Variants in MAPRE3 observed in about 807,000 individuals in gnomAD.
MAPRE3 encodes the protein microtubule-associated protein RP/EB family member 3.
A neutral mutation model predicts 30.5 loss-of-function variants in MAPRE3; 2 were observed. The ratio of observed to expected loss-of-function variants is 0.07; its 90% CI spans 0.03 to 0.21. The LOEUF is 0.21. Ranked by LOEUF, MAPRE3 falls within the 10% of genes least tolerant of loss-of-function variation. MAPRE3 has a pLI of 1.00. For missense variants in MAPRE3, 204 were observed against 351.8 expected, an observed-to-expected ratio of 0.58 and a Z score of 3.36; for synonymous variants, 110 against 127.7, an observed-to-expected ratio of 0.86 and a Z score of 0.93.
At position 27,025,598 on chromosome 2, in the gene MAPRE3, C is replaced by A; in HGVS notation, c.485C>A (p.Ser162Tyr). The A allele has an allele frequency of 6.3e-7, 1 of 1,582,526 alleles. No homozygotes were observed. The highest frequency in any genetic ancestry group is 8.6e-7 in the Non-Finnish European group (1 of 1,165,310). ...LIGTAVPQRT[S>Y]PTGPKNMQTS... ...CTCTGGGCAGTTCCACAGAGGACGT[C>A]CCCCACAGGCCCAAAAAACATGCAG... The change falls in exon 5 of 7, where the codon TCC (serine) becomes TAC (tyrosine). Residue 162 changes from serine (S) to tyrosine (Y), a missense_variant. This residue lies in a region of MAPRE3 where 101 missense variants were observed against 205.4 expected (regional missense o/e 0.49). Coordinates refer to ENST00000233121, the MANE Select transcript of MAPRE3 (RefSeq NM_012326.4).
intron 1 of MAPRE3, among the ~76,000 whole-genome samples, chr2:26,995,002 A>G (rs920474376): frequency 2.0e-5 from 3 of 151,884 alleles, no homozygotes; most frequent in Admixed American, 1.3e-4. Flanking sequence ...ATGCCCAGCT[A>G]ATTTTGTTGT....
chr2:26,985,578 G>T lies in MAPRE3; in HGVS notation c.-8+14776G>T, dbSNP rs1666201211. Among the ~76,000 whole-genome samples, 1 of 152,192 alleles carries T rather than the reference G, an allele frequency of 6.6e-6. No homozygotes were observed. The highest frequency in any genetic ancestry group is 1.5e-5 in the Non-Finnish European group (1 of 68,034). ...TGAGAGAGCAGCCTAGGAAGTCCCAGTGAGAGGAGACCTAATCAGCCAGGT... is the reference window on the plus strand; with the variant it reads ...TGAGAGAGCAGCCTAGGAAGTCCCATTGAGAGGAGACCTAATCAGCCAGGT... On this transcript the variant is annotated intron_variant, in intron 1 of 6. Transcript: ENST00000233121. The surrounding 1 kb of genome is among the most constrained non-coding windows in gnomAD (Gnocchi z 4.2).
chr2:26,978,029 A>G (rs1315143815), intron 1 of MAPRE3, among the ~76,000 whole-genome samples: 1 of 152,220 alleles, frequency 6.6e-6, no homozygotes, highest in Non-Finnish European at 1.5e-5. Flanking sequence ...CTGGCTACCC[A>G]AATACTTGTC....
At chr2:27,020,418 AAC>A (rs980164977) in intron 1 of MAPRE3, among the ~76,000 whole-genome samples, 9 of 152,264 alleles carry the variant, frequency 5.9e-5, no homozygotes, top group Non-Finnish European at 1.5e-5. Flanking sequence ...ATTCTCGGAA[AAC>A]ACAGTCCTTT....
chr2:26,983,354 C>T (rs1261037338), intron 1 of MAPRE3, among the ~76,000 whole-genome samples: 1 of 152,162 alleles, frequency 6.6e-6, no homozygotes, highest in African/African-American at 2.4e-5. Context: ...CAACTCTCCC[C>T]AAGTACTGCT....
chr2:26,996,540 AGCCT>A (rs1666464239), intron 1 of MAPRE3, among the ~76,000 whole-genome samples: 1 of 151,930 alleles, frequency 6.6e-6, no homozygotes, highest in African/African-American at 2.4e-5. Flanking sequence ...CGGTGGTTTA[AGCCT>A]GTAATCCCAT....
chr2:26,991,613 C>G (rs1158198416), intron 1 of MAPRE3, among the ~76,000 whole-genome samples: 1 of 152,178 alleles, frequency 6.6e-6, no homozygotes, highest in Non-Finnish European at 1.5e-5. Flanking sequence ...ATTCCACATT[C>G]ATTTTATAGA....
intron 1 of MAPRE3, among the ~76,000 whole-genome samples, chr2:26,995,827 G>A (rs865871976): frequency 1.7e-4 from 26 of 149,422 alleles, no homozygotes; most frequent in African/African-American, 6.0e-4. Context: ...GTGTGTGTGT[G>A]TGTATGTGTG....
chr2:27,002,896 T>C (rs1666631154), intron 1 of MAPRE3: 3 of 152,266 alleles, frequency 2.0e-5, no homozygotes, highest in Admixed American at 2.0e-4. Context: ...TTCGATACAG[T>C]GCACCCCACA....
At chr2:27,019,545 G>T (rs1021094422) in intron 1 of MAPRE3, among the ~76,000 whole-genome samples, 1 of 152,228 alleles carries the variant, frequency 6.6e-6, no homozygotes, top group Admixed American at 6.5e-5. Flanking sequence ...ATTTAAACAA[G>T]TCCAATGGTG....
intron 1 of MAPRE3, among the ~76,000 whole-genome samples, chr2:27,004,198 T>A (rs1232942009): frequency 6.6e-6 from 1 of 152,070 alleles, no homozygotes; most frequent in Admixed American, 6.6e-5. Context: ...AGAGCTGGAG[T>A]TGGGTGCTGT....
At chr2:27,006,305 A>G (rs561610382) in intron 1 of MAPRE3, among the ~76,000 whole-genome samples, 12 of 152,354 alleles carry the variant, frequency 7.9e-5, no homozygotes, top group Admixed American at 2.0e-4. Flanking sequence ...TAGACTATTG[A>G]TGTCTGATAA....
chr2:27,023,217 G>A (rs2148228838), intron 2 of MAPRE3, 115 bp from the exon 3 acceptor site: 1 of 1,147,734 alleles, frequency 8.7e-7, no homozygotes, highest in East Asian at 2.5e-5. Flanking sequence ...AAGTAGGACT[G>A]GTCCCTGGCC....
chr2:27,006,796 T>C (rs2148216752), intron 1 of MAPRE3, among the ~76,000 whole-genome samples: 1 of 152,290 alleles, frequency 6.6e-6, no homozygotes, highest in South Asian at 2.1e-4. Flanking sequence ...AAAGGCAACT[T>C]CAAGGCAGTG....
chr2:26,976,370 T>C (rs1666014214), intron 1 of MAPRE3, among the ~76,000 whole-genome samples: 1 of 152,262 alleles, frequency 6.6e-6, no homozygotes, highest in Admixed American at 6.5e-5. Flanking sequence ...TTTGGGTTGC[T>C]TACCCAGGAG....
intron 1 of MAPRE3, among the ~76,000 whole-genome samples, chr2:27,016,381 C>CTT (rs567480969): frequency 1.1e-4 from 13 of 123,024 alleles, no homozygotes; most frequent in South Asian, 2.7e-4. Flanking sequence ...CAGGTTATGT[C>CTT]TTTTTTTTTT....
chr2:26,973,024 G>C (rs115215855), intron 1 of MAPRE3, among the ~76,000 whole-genome samples: 280 of 152,300 alleles, frequency 1.8e-3, no homozygotes, highest in Non-Finnish European at 3.2e-3. Flanking sequence ...CTATGTAATG[G>C]TATTGAGGTT....
chr2:27,017,315 C>T (rs1667012059), intron 1 of MAPRE3, among the ~76,000 whole-genome samples: 1 of 152,200 alleles, frequency 6.6e-6, no homozygotes, highest in East Asian at 1.9e-4. Context: ...AAGCTGTGTT[C>T]CTGCTACTAG....
chr2:26,992,606 C>T (rs1271749037), intron 1 of MAPRE3, among the ~76,000 whole-genome samples: 1 of 151,450 alleles, frequency 6.6e-6, no homozygotes, highest in Non-Finnish European at 1.5e-5. Context: ...GAAGACAGGT[C>T]ACTCAGCAAA....
Sources: allele counts gnomAD v4.1 joint callset (sites outside exome capture counted in the v4.1 genomes callset), GRCh38; gene constraint gnomAD v4.1.1; regional missense constraint gnomAD v4.1.1; non-coding constraint Gnocchi (gnomAD v3.1); transcripts MANE v1.5; gene names NCBI Gene and HGNC (gene_info 2026-07-23, HGNC 2026-07-21).